The following CORIN variants were observed in gnomAD, a reference collection of about 807,000 sequenced individuals.
The protein encoded by CORIN is corin, serine peptidase, also known as atrial natriuretic peptide-converting enzyme.
A neutral mutation model predicts 125.3 loss-of-function variants in CORIN; 117 were observed. That is an observed-to-expected ratio of 0.93 (90% CI 0.80 to 1.09). The LOEUF is 1.09. Among genes scored for constraint, CORIN ranks in the 50% least tolerant of loss-of-function variants. CORIN has a pLI of 0.00. For missense variants in CORIN, 1,253 were observed against 1,306.7 expected, an observed-to-expected ratio of 0.96 and a Z score of 0.63; for synonymous variants, 450 against 466.4, an observed-to-expected ratio of 0.96 and a Z score of 0.45.
rs560822667 is a variant in CORIN at position 47,677,528 on chromosome 4, C to A, written c.1249+410G>T. 3.3e-5 allele frequency among the ~76,000 whole-genome samples: 5 copies of A among 152,172 alleles called. No individual in the cohort carries two copies. In the East Asian group the frequency reaches 9.6e-4, roughly 29 times the overall value. The stretch of plus-strand genomic sequence containing the variant: ...TCAAATCCTTTTAAAGTGTATTGCT[C>A]GGTAATAAGAGGCATTAAACTGCTT... On this transcript the variant is annotated intron_variant, in intron 9 of 21. Coordinates refer to ENST00000273857, the MANE Select transcript of CORIN (RefSeq NM_006587.4).
At chr4:47,613,865 G>A (rs888440354) in intron 19 of CORIN, among the ~76,000 whole-genome samples, 4 of 150,552 alleles carry the variant, frequency 2.7e-5, no homozygotes, top group African/African-American at 4.9e-5. Context: ...GCTAGATGAC[G>A]AGTTAGTGGG....
At chr4:47,829,263 T>A (rs1274514423) in intron 1 of CORIN, among the ~76,000 whole-genome samples, 1 of 152,116 alleles carries the variant, frequency 6.6e-6, no homozygotes, top group Non-Finnish European at 1.5e-5. Context: ...TTAAGCTATC[T>A]TATTAAGTTC....
chr4:47,693,832 C>T (rs1030967975), intron 5 of CORIN, among the ~76,000 whole-genome samples: 1 of 151,984 alleles, frequency 6.6e-6, no homozygotes, highest in Non-Finnish European at 1.5e-5. Context: ...CAAAAAGATA[C>T]AAAATTTTTC....
At position 47,793,750 on chromosome 4, in the gene CORIN, C is replaced by T. The variant is rs73150692; in HGVS notation, c.209-6825G>A. ...AAGACACTGGTGGGCTTGCTAAGTA[C>T]AGATATAGGAGTATGAAAAGAAGTG... On this transcript the variant is annotated intron_variant, in intron 2 of 21. Coordinates refer to ENST00000273857, the MANE Select transcript of CORIN (RefSeq NM_006587.4). 3.3e-3 allele frequency among the ~76,000 whole-genome samples: 499 copies of T among 152,136 alleles called. 3 individuals are homozygous for T. The highest frequency in any genetic ancestry group is 0.011 in the African/African-American group (460 of 41,502).
intron 5 of CORIN, among the ~76,000 whole-genome samples, chr4:47,710,359 G>T (rs995281191): frequency 1.3e-5 from 2 of 152,200 alleles, no homozygotes; most frequent in African/African-American, 4.8e-5. Context: ...TAAATCCAAA[G>T]ATTCTAAAAT....
At chr4:47,717,804 T>C (rs1408585193) in intron 5 of CORIN, among the ~76,000 whole-genome samples, 2 of 152,178 alleles carry the variant, frequency 1.3e-5, no homozygotes, top group Admixed American at 1.3e-4. Context: ...GGCACTGTAG[T>C]ATATTTTATG....
chr4:47,787,087 T>C (rs568780267), intron 2 of CORIN, among the ~76,000 whole-genome samples, 162 bp from the exon 3 acceptor site: 84 of 152,312 alleles, frequency 5.5e-4, no homozygotes, highest in Non-Finnish European at 1.1e-3. Context: ...GACCTCCTTC[T>C]TGGGGTCAAC....
At chr4:47,765,122 T>G (rs1270833058) in intron 3 of CORIN, among the ~76,000 whole-genome samples, 1 of 151,934 alleles carries the variant, frequency 6.6e-6, no homozygotes, top group African/African-American at 2.4e-5. Flanking sequence ...CCATCCTGGT[T>G]AACACGGTGA....
chr4:47,828,573 T>A (rs1396022592), intron 1 of CORIN, among the ~76,000 whole-genome samples: 1 of 152,198 alleles, frequency 6.6e-6, no homozygotes, highest in Non-Finnish European at 1.5e-5. Context: ...TGTGATCACA[T>A]CAGGACCTCC....
At chr4:47,673,548 C>T (rs1724867874) in intron 10 of CORIN, among the ~76,000 whole-genome samples, 1 of 152,012 alleles carries the variant, frequency 6.6e-6, no homozygotes, top group Non-Finnish European at 1.5e-5. Flanking sequence ...AGAAATCAGT[C>T]GCTGGGGATT....
intron 5 of CORIN, among the ~76,000 whole-genome samples, chr4:47,698,861 T>C (rs1726159315): frequency 6.6e-6 from 1 of 152,258 alleles, no homozygotes; most frequent in Non-Finnish European, 1.5e-5. Flanking sequence ...TGTGCAGATA[T>C]GTTTACATAC....
intron 11 of CORIN, among the ~76,000 whole-genome samples, chr4:47,663,980 C>T (rs1367058806): frequency 2.0e-5 from 3 of 152,016 alleles, no homozygotes; most frequent in African/African-American, 7.2e-5. Flanking sequence ...CTTTGTTATC[C>T]ATTTGGTATT....
rs1370948829 is a variant in CORIN, at chr4:47,806,906, C to T, written c.205G>A (p.Val69Ile). 1 of 1,610,682 alleles carries T rather than the reference C, an allele frequency of 6.2e-7. No individual in the cohort carries two copies. The highest frequency in any genetic ancestry group is 8.5e-7 in the Non-Finnish European group (1 of 1,178,930). Reference sequence around the variant, plus strand: ...ATTTAATAATGGCCTCACCCACCAACATAGGAAAGCAGGATCACCAGCAAG... The same window carrying T: ...ATTTAATAATGGCCTCACCCACCAATATAGGAAAGCAGGATCACCAGCAAG... The part of the protein sequence containing the change: ...VLLLVILLSY[V>I]GTLQKVYFKS... The change falls in exon 2 of 22, where the codon GTT becomes ATT. Residue 69 changes from valine to isoleucine, a missense_variant. Val to Ile is a conservative substitution (Grantham distance 29). Transcript: ENST00000273857.
At chr4:47,754,098 C>A (rs548032266) in intron 4 of CORIN, among the ~76,000 whole-genome samples, 2 of 152,254 alleles carry the variant, frequency 1.3e-5, no homozygotes, top group Admixed American at 1.3e-4. Flanking sequence ...CATGACAAGG[C>A]ATTTTTAGAA....
At chr4:47,606,707 C>T (rs1263564175) in intron 19 of CORIN, among the ~76,000 whole-genome samples, 1 of 148,856 alleles carries the variant, frequency 6.7e-6, no homozygotes, top group Admixed American at 6.8e-5. Flanking sequence ...TCTTTTACTT[C>T]TTTCTTCCTT....
chr4:47,647,905 C>A (rs1227665708), intron 13 of CORIN, among the ~76,000 whole-genome samples: 3 of 152,168 alleles, frequency 2.0e-5, no homozygotes, highest in Admixed American at 2.0e-4. Context: ...ATCTTAAATA[C>A]AAATAATAAT....
rs1721234627 is a variant in CORIN, at chr4:47,595,962, A to G, written c.2947-59T>C. 2.9e-6 allele frequency: 4 copies of G among 1,398,758 alleles called. No individual in the cohort carries two copies. The South Asian group carries it at 5.3e-5, about 19-fold the overall frequency. 86.6% of individuals were successfully genotyped at this position (1,398,758 alleles called of 1,614,324 possible). A position where few individuals can be genotyped will look rare whatever the true frequency, so the allele number is the denominator to read the frequency against. ...CATTTCAGGGCAGTAATGTGTGTCC[A>G]TGCTATCCTGAGGATACTATAAAGC... On this transcript the variant is annotated intron_variant, in intron 21 of 21. Transcript: ENST00000273857.
intron 14 of CORIN, among the ~76,000 whole-genome samples, chr4:47,643,558 C>T (rs1462099705): frequency 6.6e-6 from 1 of 152,036 alleles, no homozygotes; most frequent in African/African-American, 2.4e-5. Context: ...GATCAGAGAA[C>T]GGGGTTAAAA....
chr4:47,694,358 G>GA lies in CORIN; in HGVS notation c.800-1276dup, dbSNP rs374413681. Among the ~76,000 whole-genome samples the GA allele has an allele frequency of 4.1e-3, 620 of 152,038 alleles. 4 individuals carry two copies. The highest frequency in any genetic ancestry group is 0.014 in the African/African-American group (591 of 41,476). On this transcript the variant is annotated intron_variant, in intron 5 of 21. Transcript: ENST00000273857. ...GATGATGTTTTATCTTTTTAGCTGG[G>GA]AAAAAAATAACTTTTTTATGAGCTC...
Sources: allele counts gnomAD v4.1 joint callset (sites outside exome capture counted in the v4.1 genomes callset), GRCh38; gene constraint gnomAD v4.1.1; transcripts MANE v1.5; gene names NCBI Gene and HGNC (gene_info 2026-07-23, HGNC 2026-07-21).